The following CSNK2A1 variants were observed in gnomAD, a reference collection of about 807,000 sequenced individuals.
CSNK2A1 encodes the protein casein kinase II subunit alpha.
CSNK2A1 carries 10 observed loss-of-function variants against 62.9 expected under a neutral mutation model. The ratio of observed to expected loss-of-function variants is 0.16; its 90% CI spans 0.10 to 0.27. The LOEUF (loss-of-function observed/expected upper bound fraction) is 0.27. Ranked by LOEUF, CSNK2A1 falls within the 10% of genes least tolerant of loss-of-function variation. The pLI is 1.00. For synonymous variants in CSNK2A1, 124 were observed against 167.8 expected, an observed-to-expected ratio of 0.74 and a Z score of 2.02; for missense variants, 160 against 492.0, an observed-to-expected ratio of 0.33 and a Z score of 6.38.
intron 2 of CSNK2A1, among the ~76,000 whole-genome samples, chr20:519,751 C>T (rs1330200475): frequency 6.6e-6 from 1 of 151,886 alleles, no homozygotes; most frequent in Non-Finnish European, 1.5e-5. Context: ...AAAAATAATC[C>T]CATTTTGGAA....
chr20:484,928 G>A (rs1208958144), intron 13 of CSNK2A1, among the ~76,000 whole-genome samples: 1 of 150,018 alleles, frequency 6.7e-6, no homozygotes, highest in Non-Finnish European at 1.5e-5. Context: ...TTAGCTGGGC[G>A]TCATGGCGGG....
chr20:495,497 C>A, intron 8 of CSNK2A1: 1 of 465,906 alleles, frequency 2.1e-6, no homozygotes, highest in Non-Finnish European at 3.9e-6. Context: ...AGAAGATGAA[C>A]ATTTTGCCCA....
chr20:532,203 CGCCAG>C (rs1028297978), intron 1 of CSNK2A1, among the ~76,000 whole-genome samples: 1 of 151,072 alleles, frequency 6.6e-6, no homozygotes, highest in Non-Finnish European at 1.5e-5. Context: ...CTCGCTCTGT[CGCCAG>C]GCCTGGAGTG....
At chr20:485,032 C>T (rs1452770892) in intron 13 of CSNK2A1, among the ~76,000 whole-genome samples, 13 of 121,686 alleles carry the variant, frequency 1.1e-4, no homozygotes, top group African/African-American at 4.2e-4. Context: ...TGCCACTGCA[C>T]TCCAGCCTTG....
In CSNK2A1 at chr20:499,873, G is replaced by C. The variant is rs754797068; in HGVS notation, c.275C>G (p.Pro92Arg). The C allele has an allele frequency of 1.2e-6, 2 of 1,613,670 alleles. No individual in the cohort carries two copies. Among genetic ancestry groups the C allele is most frequent in the Admixed American group, 3.3e-5 (2 of 59,974 alleles). Residue 92 changes from proline (P) to arginine (R), a missense_variant, in exon 5 of 14, where the codon CCC becomes CGC. Pro to Arg is a moderately radical substitution (Grantham distance 103, BLOSUM62 -2). Coordinates refer to ENST00000217244, the MANE Select transcript of CSNK2A1 (RefSeq NM_177559.3). The surrounding 1 kb of genome is among the most constrained non-coding windows in gnomAD (Gnocchi z 4.2). The part of the protein sequence containing the change: ...IKILENLRGG[P>R]NIITLADIVK... ...AATGTCTGCCAGTGTGATGATGTTG[G>C]GACCTCCTCTCAAATTCTCCAAAAT...
chr20:524,575 C>CA (rs1449917837), intron 2 of CSNK2A1, among the ~76,000 whole-genome samples: 6 of 150,418 alleles, frequency 4.0e-5, no homozygotes, highest in Non-Finnish European at 8.9e-5. Flanking sequence ...CAACAAAACA[C>CA]AAAAATTAGC....
Position 475,567 on chromosome 20 carries a change from A to G in CSNK2A1, c.*8394T>C, listed in dbSNP as rs181168068. ...GTTCCTACTGATATATATGAATAGT[A>G]TGGCTGATTGCATTATTGGTTTGTT... is the stretch of plus-strand genomic sequence containing the variant. On this transcript the variant is annotated 3_prime_UTR_variant, in exon 14 of 14. Coordinates refer to ENST00000217244, the MANE Select transcript of CSNK2A1 (RefSeq NM_177559.3). 4.6e-5 allele frequency: 7 copies of G among 152,132 alleles called. No individual in the cohort carries two copies. Among genetic ancestry groups the G allele is most frequent in the African/African-American group, 1.7e-4 (7 of 41,530 alleles). 9.4% of individuals were successfully genotyped at this position (152,132 alleles called of 1,614,324 possible).
intron 1 of CSNK2A1, among the ~76,000 whole-genome samples, chr20:532,847 T>G (rs970170410): frequency 1.3e-5 from 2 of 152,158 alleles, no homozygotes; most frequent in African/African-American, 4.8e-5. Flanking sequence ...GATCATCTAT[T>G]TGGAGGTCAC....
chr20:535,566 G>A lies in CSNK2A1; in HGVS notation c.-226-7517C>T, dbSNP rs574503491. On this transcript the variant is annotated intron_variant, in intron 1 of 13. Transcript: ENST00000217244. ...AGGTCAGGAGTTTGAGGCCAGCGTG[G>A]CCAACATGGCGACACCCCGCCTCTA... Among the ~76,000 whole-genome samples, 11 of 152,070 alleles carry A rather than the reference G, an allele frequency of 7.2e-5. No homozygotes were observed. The South Asian group carries it at 2.1e-3, about 29-fold the overall frequency.
chr20:489,706 C>A (rs772746616), intron 10 of CSNK2A1, 74 bp downstream of exon 10: 428 of 1,260,564 alleles, frequency 3.4e-4, no homozygotes, highest in Non-Finnish European at 4.5e-4. Flanking sequence ...AAACAGTGAA[C>A]TGAAAGTTAC....
At chr20:510,037 T>C (rs1457273724) in intron 2 of CSNK2A1, 1 of 152,232 alleles carries the variant, frequency 6.6e-6, no homozygotes, top group African/African-American at 2.4e-5. Context: ...CTGTATCCCA[T>C]ACTGCAGGAG....
At chr20:535,739 CAAA>C (rs11477824) in intron 1 of CSNK2A1, among the ~76,000 whole-genome samples, 8 of 70,068 alleles carry the variant, frequency 1.1e-4, no homozygotes, top group Admixed American at 5.4e-4. Context: ...GACTCCATCT[CAAA>C]AAAAAAAAAA....
chr20:505,500 C>T (rs975328075), intron 3 of CSNK2A1, among the ~76,000 whole-genome samples: 2 of 151,420 alleles, frequency 1.3e-5, no homozygotes, highest in Non-Finnish European at 2.9e-5. Flanking sequence ...GCTGGGACCA[C>T]AGGCGCCTGC....
intron 4 of CSNK2A1, chr20:502,325 T>A (rs1355249605): frequency 1.3e-5 from 2 of 152,192 alleles, no homozygotes; most frequent in African/African-American, 4.8e-5. Flanking sequence ...CTGGGAGATC[T>A]TTCCACCCTG....
chr20:493,516 C>A (rs2018279930), intron 8 of CSNK2A1, among the ~76,000 whole-genome samples: 1 of 152,062 alleles, frequency 6.6e-6, no homozygotes, highest in African/African-American at 2.4e-5. Context: ...CAGGAAATTG[C>A]CAAAGTAGTA....
At position 478,686 on chromosome 20, in the gene CSNK2A1, TG is replaced by T. The variant is rs767040387; in HGVS notation, c.*5274del. The T allele has an allele frequency of 9.6e-6, 4 of 417,546 alleles. No homozygotes were observed. Among genetic ancestry groups the T allele is most frequent in the African/African-American group, 8.7e-5 (4 of 45,778 alleles). 25.9% of individuals were successfully genotyped at this position (417,546 alleles called of 1,614,324 possible). ...GCTCATGCCTCTAATCTCAGCACTTTGGGAGGCCAAGGCGGGTAGACTGTTG... is the reference window on the plus strand; with the variant it reads ...GCTCATGCCTCTAATCTCAGCACTTTGGAGGCCAAGGCGGGTAGACTGTTG... On this transcript the variant is annotated 3_prime_UTR_variant, in exon 14 of 14. Transcript: ENST00000217244.
chr20:490,704 C>CTT (rs11476971), intron 9 of CSNK2A1, among the ~76,000 whole-genome samples: 3 of 134,298 alleles, frequency 2.2e-5, no homozygotes, highest in Non-Finnish European at 3.2e-5. Context: ...GTGCCTGGCT[C>CTT]TTTTTTTTTT....
At chr20:530,630 C>T (rs550452155) in intron 1 of CSNK2A1, among the ~76,000 whole-genome samples, 21 of 152,148 alleles carry the variant, frequency 1.4e-4, no homozygotes, top group African/African-American at 4.3e-4. Context: ...TGCGCCACCA[C>T]GCCCAGTTAA....
At chr20:506,162 C>T (rs901869139) in intron 3 of CSNK2A1, 6 of 152,448 alleles carry the variant, frequency 3.9e-5, no homozygotes, top group Non-Finnish European at 5.9e-5. Flanking sequence ...AGGCGTGAGC[C>T]ACCGCACCCG....
Sources: gnomAD v4.1 joint callset for allele counts (sites outside exome capture counted in the v4.1 genomes callset) on GRCh38, gnomAD v4.1.1 for gene constraint, Gnocchi (gnomAD v3.1) non-coding constraint, MANE v1.5 for transcripts, NCBI Gene and HGNC (gene_info 2026-07-23, HGNC 2026-07-21) for gene names.